ZNF536: variants seen among roughly 807,000 people sequenced by gnomAD.
ZNF536 encodes the protein zinc finger protein 536.
In ZNF536, 13 loss-of-function variants were observed where a neutral mutation model predicts 84.5. That is an observed-to-expected ratio of 0.15 (90% CI 0.10 to 0.24). The LOEUF (loss-of-function observed/expected upper bound fraction) is 0.24, where lower values mean the gene tolerates loss of function less well. Among genes scored for constraint, ZNF536 ranks in the 10% least tolerant of loss-of-function variants. The pLI is 1.00. For missense variants in ZNF536, 1,536 were observed against 1,747.5 expected (o/e 0.88, Z 2.16); for synonymous variants, 811 against 742.5 (o/e 1.09, Z -1.50).
chr19:30,646,870 A>G (rs2049492614), intron 1 of ZNF536, among the ~76,000 whole-genome samples: 1 of 152,182 alleles, frequency 6.6e-6, no homozygotes, highest in South Asian at 2.1e-4. Flanking sequence ...GTTTAAAAAA[A>G]TTAATTAAAA....
chr19:30,677,967 C>A (rs948552774), intron 1 of ZNF536, among the ~76,000 whole-genome samples: 1 of 152,164 alleles, frequency 6.6e-6, no homozygotes. Flanking sequence ...GAACTTCCTT[C>A]CTTGGGAGGA....
intron 1 of ZNF536, among the ~76,000 whole-genome samples, chr19:30,260,087 C>A (rs1479464405): frequency 6.6e-6 from 1 of 152,158 alleles, no homozygotes; most frequent in African/African-American, 2.4e-5. Flanking sequence ...TTTCTTCTGC[C>A]TTTCTAAGAG....
At chr19:30,622,891 C>T (rs2048533385) in intron 1 of ZNF536, among the ~76,000 whole-genome samples, 1 of 151,998 alleles carries the variant, frequency 6.6e-6, no homozygotes, top group South Asian at 2.1e-4. Flanking sequence ...TCCTCCAAGG[C>T]AGACAACCTA....
intron 1 of ZNF536, among the ~76,000 whole-genome samples, chr19:30,241,856 C>T (rs2144877177): frequency 6.6e-6 from 1 of 152,314 alleles, no homozygotes; most frequent in South Asian, 2.1e-4. Flanking sequence ...GTGGGGACAC[C>T]TCCTCACCTG....
chr19:30,446,248 C>CAAACA (rs2052331152), intron 2 of ZNF536, among the ~76,000 whole-genome samples: 2 of 29,178 alleles, frequency 6.9e-5, no homozygotes, highest in Admixed American at 1.2e-3. Flanking sequence ...GACACTGTCT[C>CAAACA]AAAAAAAAAA....
At chr19:30,607,001 C>T (rs1433712452) in intron 1 of ZNF536, among the ~76,000 whole-genome samples, 2 of 152,110 alleles carry the variant, frequency 1.3e-5, no homozygotes, top group African/African-American at 4.8e-5. Flanking sequence ...AAGGCTGGCT[C>T]TCACGACCCC....
intron 1 of ZNF536, among the ~76,000 whole-genome samples, chr19:30,567,634 G>C (rs2046401779): frequency 6.6e-6 from 1 of 152,216 alleles, no homozygotes; most frequent in Non-Finnish European, 1.5e-5. Context: ...GGAGCATAGA[G>C]AGTGGGTGGC....
chr19:30,462,816 G>A (rs796874218), intron 2 of ZNF536, among the ~76,000 whole-genome samples: 8,241 of 104,674 alleles, frequency 0.079, 515 homozygotes, highest in South Asian at 0.12. Flanking sequence ...GCATTTGCCT[G>A]TGTTGGAATG....
At chr19:30,278,131 A>G (rs547938791) in intron 1 of ZNF536, among the ~76,000 whole-genome samples, 1 of 152,160 alleles carries the variant, frequency 6.6e-6, no homozygotes, top group South Asian at 2.1e-4. Context: ...ACAGTTTGTT[A>G]CTCACAGTTC....
At chr19:30,485,682 C>T (rs2015983458) in intron 2 of ZNF536, among the ~76,000 whole-genome samples, 1 of 144,826 alleles carries the variant, frequency 6.9e-6, no homozygotes, top group Non-Finnish European at 1.5e-5. Context: ...TTCTTGAACT[C>T]AGGAAGCAGG....
At chr19:30,366,275 C>T (rs1413905266) in intron 3 of ZNF536, among the ~76,000 whole-genome samples, 3 of 152,184 alleles carry the variant, frequency 2.0e-5, no homozygotes, top group African/African-American at 7.2e-5. Context: ...TGAGAGTGGG[C>T]ACCATGTTCT....
chr19:30,442,776 C>A lies in ZNF536; in HGVS notation c.-2-785C>A, dbSNP rs189775900. ...CTGAGGTTTGCAAAGCCGCTACTCG[C>A]AGTCTCCTTAAAATTTAATATACCT... On this transcript the variant is annotated intron_variant, in intron 1 of 4. Coordinates refer to ENST00000355537, the MANE Select transcript of ZNF536 (RefSeq NM_014717.3). Among the ~76,000 whole-genome samples the A allele has an allele frequency of 2.5e-3, 374 of 152,334 alleles. 1 individual carries two copies. Among genetic ancestry groups the A allele is most frequent in the African/African-American group, 8.6e-3 (356 of 41,574 alleles).
At chr19:30,362,208 C>T (rs1317078191) in intron 3 of ZNF536, among the ~76,000 whole-genome samples, 1 of 152,186 alleles carries the variant, frequency 6.6e-6, no homozygotes, top group Non-Finnish European at 1.5e-5. Flanking sequence ...ACTCTCAAGG[C>T]CCTGTCCAAG....
At chr19:30,563,519 C>T (rs2046245921) in intron 1 of ZNF536, among the ~76,000 whole-genome samples, 1 of 152,162 alleles carries the variant, frequency 6.6e-6, no homozygotes, top group Non-Finnish European at 1.5e-5. Flanking sequence ...TACAACTGTC[C>T]TTTCTAAATG....
chr19:30,677,820 C>T (rs938660403), intron 1 of ZNF536, among the ~76,000 whole-genome samples: 2 of 152,172 alleles, frequency 1.3e-5, no homozygotes, highest in African/African-American at 4.8e-5. Context: ...GGCCTGCCCC[C>T]TCTGATTTGG....
intron 1 of ZNF536, among the ~76,000 whole-genome samples, chr19:30,270,705 T>G (rs920222447): frequency 6.6e-6 from 1 of 152,026 alleles, no homozygotes; most frequent in African/African-American, 2.4e-5. Context: ...GCAGAACATT[T>G]AAAAATGCAT....
chr19:30,378,252 C>T (rs1026493228), intron 1 of ZNF536, among the ~76,000 whole-genome samples: 1 of 152,144 alleles, frequency 6.6e-6, no homozygotes, highest in Non-Finnish European at 1.5e-5. Flanking sequence ...AAACTGCCTC[C>T]GTGGTTCAAG....
chr19:30,241,633 C>G (rs1344516752), intron 1 of ZNF536, among the ~76,000 whole-genome samples: 19 of 152,344 alleles, frequency 1.2e-4, no homozygotes, highest in Non-Finnish European at 1.5e-5. Context: ...GAGAGTTAAA[C>G]TAGCAGAGCC....
At chr19:30,330,081 T>C (rs971699726) in intron 2 of ZNF536, among the ~76,000 whole-genome samples, 1 of 152,208 alleles carries the variant, frequency 6.6e-6, no homozygotes, top group African/African-American at 2.4e-5. Flanking sequence ...TTTGGTCCTA[T>C]GATTACTACT....
Sources: gnomAD v4.1 joint callset for allele counts (sites outside exome capture counted in the v4.1 genomes callset) on GRCh38, gnomAD v4.1.1 for gene constraint, MANE v1.5 for transcripts, NCBI Gene and HGNC (gene_info 2026-07-23, HGNC 2026-07-21) for gene names.